The following DSCAM variants were observed in gnomAD, a reference collection of about 807,000 sequenced individuals.
DSCAM encodes the protein DS cell adhesion molecule.
A neutral mutation model predicts 217.7 loss-of-function variants in DSCAM; 47 were observed. The observed-to-expected ratio is 0.22, with a 90% CI of 0.17 to 0.28. DSCAM has a LOEUF of 0.28. DSCAM is among the 10% of genes least tolerant of loss of function. DSCAM has a pLI of 1.00. For missense variants in DSCAM, 2,080 were observed against 2,618.3 expected (o/e 0.79, Z 4.49); for synonymous variants, 1,056 against 1,015.3 (o/e 1.04, Z -0.76).
intron 3 of DSCAM, among the ~76,000 whole-genome samples, chr21:40,602,920 G>A (rs140161910): frequency 1.5e-3 from 234 of 151,762 alleles, no homozygotes; most frequent in African/African-American, 5.3e-3. Flanking sequence ...TGGAAGCTTC[G>A]ACTATTGATT....
intron 1 of DSCAM, among the ~76,000 whole-genome samples, chr21:40,772,367 C>T (rs1464711798): frequency 1.3e-5 from 2 of 152,148 alleles, no homozygotes; most frequent in African/African-American, 2.4e-5. Context: ...CGGGGTTTCA[C>T]CATGTTGGCC....
intron 1 of DSCAM, among the ~76,000 whole-genome samples, chr21:40,766,495 A>G (rs2091390960): frequency 6.6e-6 from 1 of 151,926 alleles, no homozygotes; most frequent in East Asian, 1.9e-4. Context: ...TATCATTTAC[A>G]AAGTAGTTAT....
chr21:40,750,487 T>G (rs1259634875), intron 1 of DSCAM, among the ~76,000 whole-genome samples: 1 of 152,284 alleles, frequency 6.6e-6, no homozygotes, highest in East Asian at 1.9e-4. Context: ...TGGACTTTCT[T>G]TCTTTCCCAG....
At chr21:40,521,997 A>T (rs1026939154) in intron 3 of DSCAM, among the ~76,000 whole-genome samples, 2 of 152,248 alleles carry the variant, frequency 1.3e-5, no homozygotes, top group Admixed American at 1.3e-4. Flanking sequence ...TGTCAATTAA[A>T]CTTTTTAAAA....
intron 3 of DSCAM, among the ~76,000 whole-genome samples, chr21:40,580,686 T>C (rs1405183539): frequency 1.3e-5 from 2 of 152,082 alleles, no homozygotes; most frequent in African/African-American, 4.8e-5. Context: ...TAGAGAATCA[T>C]CTAATGGGGA....
intron 29 of DSCAM, among the ~76,000 whole-genome samples, chr21:40,055,409 T>C (rs2088998735): frequency 6.6e-6 from 1 of 152,286 alleles, no homozygotes; most frequent in Non-Finnish European, 1.5e-5. Context: ...CGATTACAGA[T>C]GTTTATTCCT....
intron 3 of DSCAM, among the ~76,000 whole-genome samples, chr21:40,514,927 G>C (rs1042921555): frequency 1.3e-5 from 2 of 152,110 alleles, no homozygotes; most frequent in Admixed American, 1.3e-4. Flanking sequence ...GTGTTGTCTT[G>C]GAAGGAAAAG....
At chr21:40,532,169 T>A (rs370129531) in intron 3 of DSCAM, among the ~76,000 whole-genome samples, 134 of 152,336 alleles carry the variant, frequency 8.8e-4, no homozygotes, top group African/African-American at 2.5e-3. Flanking sequence ...ATACTTTATA[T>A]AAAAGAGGGT....
intron 3 of DSCAM, among the ~76,000 whole-genome samples, chr21:40,547,814 C>G (rs2146147733): frequency 6.6e-6 from 1 of 152,306 alleles, no homozygotes; most frequent in South Asian, 2.1e-4. Flanking sequence ...CTCAGAACGT[C>G]TCTGCCACGT....
chr21:40,149,151 G>A (rs918133239), intron 16 of DSCAM, among the ~76,000 whole-genome samples: 6 of 143,388 alleles, frequency 4.2e-5, no homozygotes, highest in Admixed American at 7.0e-5. Flanking sequence ...CACTACCACC[G>A]CAAATATCCA....
At chr21:40,099,198 A>T (rs1159726708) in intron 20 of DSCAM, among the ~76,000 whole-genome samples, 1 of 152,230 alleles carries the variant, frequency 6.6e-6, no homozygotes, top group South Asian at 2.1e-4. Flanking sequence ...TCCTGTTGAC[A>T]AGGTAAAATT....
chr21:40,461,377 T>C (rs1303401295), intron 3 of DSCAM, among the ~76,000 whole-genome samples: 1 of 152,134 alleles, frequency 6.6e-6, no homozygotes, highest in East Asian at 1.9e-4. Flanking sequence ...CTGGCACACA[T>C]ACATATGATT....
intron 3 of DSCAM, among the ~76,000 whole-genome samples, chr21:40,402,420 A>G (rs1601615601): frequency 1.3e-5 from 2 of 152,262 alleles, no homozygotes; most frequent in African/African-American, 4.8e-5. Flanking sequence ...GAAGAAGCTA[A>G]GCTAAGAGTT....
chr21:40,469,795 A>C (rs73361153), intron 3 of DSCAM, among the ~76,000 whole-genome samples: 2,082 of 152,318 alleles, frequency 0.014, 55 homozygotes, highest in African/African-American at 0.046. Flanking sequence ...CGGGGAATGC[A>C]TTCTCAGTTT....
intron 3 of DSCAM, among the ~76,000 whole-genome samples, chr21:40,683,425 A>C (rs898494338): frequency 6.6e-6 from 1 of 152,146 alleles, no homozygotes; most frequent in Non-Finnish European, 1.5e-5. Context: ...AGTGTGTGAC[A>C]GAGAGAGAGA....
At chr21:40,841,759 CG>C (rs2092103695) in intron 1 of DSCAM, among the ~76,000 whole-genome samples, 1 of 152,210 alleles carries the variant, frequency 6.6e-6, no homozygotes, top group South Asian at 2.1e-4. Context: ...CGCGCCACGC[CG>C]GGGTTCCCTC....
At chr21:40,274,956 A>G (rs2073667218) in intron 11 of DSCAM, among the ~76,000 whole-genome samples, 1 of 152,248 alleles carries the variant, frequency 6.6e-6, no homozygotes, top group Non-Finnish European at 1.5e-5. Context: ...CCACTTTTAA[A>G]TCTCATTCTT....
At chr21:40,238,108 T>C (rs1301036600) in intron 11 of DSCAM, among the ~76,000 whole-genome samples, 3 of 152,150 alleles carry the variant, frequency 2.0e-5, no homozygotes, top group African/African-American at 7.2e-5. Context: ...GAAGGAAAGA[T>C]GGCCCTCCCT....
intron 15 of DSCAM, among the ~76,000 whole-genome samples, chr21:40,168,835 C>T (rs1292064937): frequency 2.6e-5 from 4 of 152,132 alleles, no homozygotes; most frequent in African/African-American, 7.2e-5. Flanking sequence ...TCCAAGTTCA[C>T]ATTCTGGTTC....
Sources: allele counts gnomAD v4.1 joint callset (sites outside exome capture counted in the v4.1 genomes callset), GRCh38; gene constraint gnomAD v4.1.1; transcripts MANE v1.5; gene names NCBI Gene and HGNC (gene_info 2026-07-23, HGNC 2026-07-21).